Variants in EPM2A observed in about 807,000 individuals in gnomAD.
EPM2A encodes laforin.
Under a neutral mutation model 26.5 loss-of-function variants are expected in EPM2A, and 21 were observed. The observed-to-expected ratio is 0.79, with a 90% CI of 0.56 to 1.14. EPM2A has a LOEUF of 1.14. Ranked by LOEUF, EPM2A falls within the 50% of genes most tolerant of loss-of-function variation. The pLI, the probability that EPM2A is intolerant of heterozygous loss-of-function variation, is 0.00. For synonymous variants in EPM2A, 217 were observed against 177.6 expected (o/e 1.22, Z -1.76); for missense variants, 458 against 440.8 (o/e 1.04, Z -0.35).
chr6:145,445,635 A>G (rs1779119855), intron 4 of EPM2A, among the ~76,000 whole-genome samples: 1 of 152,164 alleles, frequency 6.6e-6, no homozygotes, highest in Non-Finnish European at 1.5e-5. Context: ...TAATTTACAG[A>G]GTTCTAAAAA....
intron 2 of EPM2A, among the ~76,000 whole-genome samples, chr6:145,542,561 G>A (rs531787592): frequency 7.2e-5 from 11 of 152,236 alleles, no homozygotes; most frequent in Non-Finnish European, 1.5e-4. Context: ...GCCAAAAATA[G>A]TCAGGGAATG....
chr6:145,423,226 A>T (rs1263537456), intron 4 of EPM2A, among the ~76,000 whole-genome samples: 1 of 152,106 alleles, frequency 6.6e-6, no homozygotes, highest in African/African-American at 2.4e-5. Context: ...TCTTCCAAAG[A>T]TTGTATTGCT....
intron 4 of EPM2A, among the ~76,000 whole-genome samples, chr6:145,474,268 T>G (rs1410241207): frequency 6.6e-6 from 1 of 151,546 alleles, no homozygotes; most frequent in Non-Finnish European, 1.5e-5. Context: ...TTGAGACGAG[T>G]CTAACCAAAC....
chr6:145,650,278 C>T (rs1043221080), intron 2 of EPM2A, among the ~76,000 whole-genome samples: 3 of 152,044 alleles, frequency 2.0e-5, no homozygotes, highest in African/African-American at 4.8e-5. Flanking sequence ...TGACCGGGTG[C>T]GGTGGCTCAC....
At chr6:145,721,670 A>G (rs970257049) in intron 1 of EPM2A, 1 of 152,078 alleles carries the variant, frequency 6.6e-6, no homozygotes, top group African/African-American at 2.4e-5. Context: ...ATGAGCATTC[A>G]CTCTCATTCA....
chr6:145,447,716 T>C (rs1222584414), intron 4 of EPM2A, among the ~76,000 whole-genome samples: 2 of 152,098 alleles, frequency 1.3e-5, no homozygotes, highest in African/African-American at 4.8e-5. Flanking sequence ...TTTAAAATCA[T>C]CATAAACTTC....
At chr6:145,713,727 C>T (rs1341262762) in intron 1 of EPM2A, among the ~76,000 whole-genome samples, 2 of 152,164 alleles carry the variant, frequency 1.3e-5, no homozygotes, top group African/African-American at 4.8e-5. Flanking sequence ...ACACCAGTTC[C>T]ACTTCTGGGT....
chr6:145,407,532 G>T (rs1778585800), intron 4 of EPM2A, among the ~76,000 whole-genome samples: 1 of 152,126 alleles, frequency 6.6e-6, no homozygotes, highest in Non-Finnish European at 1.5e-5. Context: ...TATGCAAAAT[G>T]TAAGAAAATT....
At chr6:145,465,924 T>G (rs982541608) in intron 4 of EPM2A, among the ~76,000 whole-genome samples, 3 of 152,116 alleles carry the variant, frequency 2.0e-5, no homozygotes, top group Non-Finnish European at 4.4e-5. Context: ...CTAGGAAAAC[T>G]GGCTAGCCAT....
chr6:145,454,784 C>T (rs2114711548), intron 4 of EPM2A, among the ~76,000 whole-genome samples: 1 of 152,230 alleles, frequency 6.6e-6, no homozygotes, highest in South Asian at 2.1e-4. Context: ...TCTGTTTTTT[C>T]AGAACACATG....
downstream of EPM2A, among the ~76,000 whole-genome samples, chr6:145,497,249 G>A (rs1446877673): frequency 2.6e-5 from 4 of 152,174 alleles, no homozygotes; most frequent in Non-Finnish European, 5.9e-5. Context: ...TGCGGTTTTG[G>A]GTTTGTTCTT....
intron 2 of EPM2A, among the ~76,000 whole-genome samples, chr6:145,536,667 A>G (rs1337129246): frequency 6.6e-6 from 1 of 152,114 alleles, no homozygotes; most frequent in Non-Finnish European, 1.5e-5. Context: ...AAGCAGACAC[A>G]TTGGCCAACC....
At chr6:145,468,038 A>G (rs1370006418) in intron 4 of EPM2A, among the ~76,000 whole-genome samples, 2 of 152,026 alleles carry the variant, frequency 1.3e-5, no homozygotes, top group Non-Finnish European at 2.9e-5. Flanking sequence ...TATTTTGGAT[A>G]TATGCTAGTT....
chr6:145,617,014 T>C (rs543126077), intron 2 of EPM2A, among the ~76,000 whole-genome samples: 53 of 152,280 alleles, frequency 3.5e-4, no homozygotes, highest in African/African-American at 1.3e-3. Flanking sequence ...GAGGGCATCA[T>C]TGGTTTTGAA....
downstream of EPM2A, among the ~76,000 whole-genome samples, chr6:145,496,728 A>ATTTTTTTTTTTTTTTT (rs1554244200): frequency 1.5e-3 from 161 of 106,852 alleles, 20 homozygotes; most frequent in Non-Finnish European, 2.3e-3. Context: ...AGTTCCTGCA[A>ATTTTTTTTTTTTTTTT]TTTTTTTTTT....
At chr6:145,391,954 G>A (rs964923058) in intron 4 of EPM2A, among the ~76,000 whole-genome samples, 7 of 152,256 alleles carry the variant, frequency 4.6e-5, no homozygotes, top group South Asian at 2.1e-4. Flanking sequence ...GCTTAACTCA[G>A]TGGGGTCCTC....
intron 1 of EPM2A, among the ~76,000 whole-genome samples, chr6:145,686,563 C>T (rs775762714): frequency 6.6e-6 from 1 of 152,094 alleles, no homozygotes; most frequent in Non-Finnish European, 1.5e-5. Context: ...CTTCATGGTA[C>T]CTCTCAGTGC....
intron 4 of EPM2A, among the ~76,000 whole-genome samples, chr6:145,462,734 C>T (rs560027459): frequency 1.8e-4 from 28 of 152,280 alleles, no homozygotes; most frequent in East Asian, 1.4e-3. Flanking sequence ...ACTATGTCAA[C>T]ACATCTCTGA....
chr6:145,514,130 A>G (rs1442419670), intron 2 of EPM2A, among the ~76,000 whole-genome samples: 1 of 152,212 alleles, frequency 6.6e-6, no homozygotes, highest in Non-Finnish European at 1.5e-5. Context: ...CACATGGTCC[A>G]CCGTAATTGC....
Sources: allele counts gnomAD v4.1 joint callset (sites outside exome capture counted in the v4.1 genomes callset), GRCh38; gene constraint gnomAD v4.1.1; transcripts MANE v1.5; gene names NCBI Gene and HGNC (gene_info 2026-07-23, HGNC 2026-07-21).